PRKAR1A: variants seen among roughly 807,000 people sequenced by gnomAD.
PRKAR1A encodes the protein protein kinase cAMP-dependent type I regulatory subunit alpha.
A neutral mutation model predicts 52.0 loss-of-function variants in PRKAR1A; 3 were observed. The observed-to-expected ratio is 0.06, with a 90% confidence interval of 0.03 to 0.15. The LOEUF (loss-of-function observed/expected upper bound fraction) is 0.15. PRKAR1A is among the 10% of genes least tolerant of loss of function. The probability of loss-of-function intolerance (pLI) is 1.00; values close to 1 mark genes in which losing one functional copy is unlikely to be tolerated. For missense variants in PRKAR1A, 240 were observed against 477.4 expected (o/e 0.50, Z 4.63); for synonymous variants, 188 against 168.4 (o/e 1.12, Z -0.90).
chr17:68,545,183 T>C (rs1435581821), intron 11 of PRKAR1A, among the ~76,000 whole-genome samples: 1 of 152,248 alleles, frequency 6.6e-6, no homozygotes, highest in African/African-American at 2.4e-5. Flanking sequence ...GACTGAATTT[T>C]ATAAAAATGT....
At chr17:68,417,862 C>G in the PRKAR1A span, among the ~76,000 whole-genome samples, 1 of 144,980 alleles carries the variant, frequency 6.9e-6, no homozygotes, top group African/African-American at 2.5e-5. Context: ...TCCCAGGTAG[C>G]CGGGATTACA....
In PRKAR1A at chr17:68,532,575, C is replaced by A; in HGVS notation, c.*2126C>A. ...AGTTGATATTCAAGGCTTTAAAAGT[C>A]ATTATTCCTGGGCTTGGTAAGTGAA... is the stretch of plus-strand genomic sequence containing the variant. On this transcript the variant is annotated 3_prime_UTR_variant, in exon 11 of 11. Coordinates refer to ENST00000589228, the MANE Select transcript of PRKAR1A (RefSeq NM_002734.5). The A allele has an allele frequency of 1.9e-6, 2 of 1,066,088 alleles. No homozygotes were observed. Among genetic ancestry groups the A allele is most frequent in the Non-Finnish European group, 2.3e-6 (2 of 879,570 alleles). 66.0% of individuals were successfully genotyped at this position (1,066,088 alleles called of 1,614,324 possible).
At chr17:68,436,625 G>A in the PRKAR1A span, 1 of 668,568 alleles carries the variant, frequency 1.5e-6, no homozygotes, top group Non-Finnish European at 2.5e-6. Flanking sequence ...TTCCGCTGAT[G>A]ATTCTTCTGA....
chr17:68,467,968 C>T, the PRKAR1A span, among the ~76,000 whole-genome samples: 1 of 152,052 alleles, frequency 6.6e-6, no homozygotes, highest in Non-Finnish European at 1.5e-5. Flanking sequence ...CATCATGGCT[C>T]ACTGCAGCAT....
the PRKAR1A span, among the ~76,000 whole-genome samples, chr17:68,419,220 A>G: frequency 6.6e-6 from 1 of 152,180 alleles, no homozygotes; most frequent in African/African-American, 2.4e-5. Context: ...TCGATTTTCA[A>G]AAAAATCAAA....
At chr17:68,426,250 G>GGGGGGGGGGGT in the PRKAR1A span, 3 of 828,060 alleles carry the variant, frequency 3.6e-6, no homozygotes, top group Non-Finnish European at 1.9e-6. Flanking sequence ...GGTGGGGAGC[G>GGGGGGGGGGGT]GGGGCTCAAA....
At chr17:68,486,607 T>C in the PRKAR1A span, among the ~76,000 whole-genome samples, 1 of 149,836 alleles carries the variant, frequency 6.7e-6, no homozygotes, top group Non-Finnish European at 1.5e-5. Context: ...GCTTTCCTTC[T>C]TTTCTCTCCT....
At chr17:68,478,223 G>T in the PRKAR1A span, among the ~76,000 whole-genome samples, 2 of 152,150 alleles carry the variant, frequency 1.3e-5, no homozygotes, top group Non-Finnish European at 2.9e-5. Flanking sequence ...GGGGGCCGAG[G>T]GGGGTGGATC....
At chr17:68,541,079 C>T (rs1329965439) in intron 11 of PRKAR1A, 1 of 1,469,158 alleles carries the variant, frequency 6.8e-7, no homozygotes, top group African/African-American at 1.4e-5. Context: ...GGGCTGGTGG[C>T]AGCTTCTAAA....
chr17:68,427,313 C>G, the PRKAR1A span: 143 of 1,287,014 alleles, frequency 1.1e-4, no homozygotes, highest in African/African-American at 1.3e-3. Context: ...ATCTAGGACA[C>G]CTTCCAAAGG....
chr17:68,510,882 G>A (rs1600450885), upstream of PRKAR1A, among the ~76,000 whole-genome samples: 1 of 152,168 alleles, frequency 6.6e-6, no homozygotes, highest in Non-Finnish European at 1.5e-5. Context: ...TACCCTTAGA[G>A]CCTGGTGGAT....
At chr17:68,471,277 G>T in the PRKAR1A span, among the ~76,000 whole-genome samples, 1 of 152,172 alleles carries the variant, frequency 6.6e-6, no homozygotes, top group African/African-American at 2.4e-5. Context: ...CTATCTCTAA[G>T]ATGGGAAAAA....
the PRKAR1A span, among the ~76,000 whole-genome samples, chr17:68,451,308 C>T: frequency 6.6e-6 from 1 of 152,164 alleles, no homozygotes; most frequent in Non-Finnish European, 1.5e-5. Context: ...GTGGTGCACA[C>T]CTGTAATCTC....
At chr17:68,454,223 C>T in the PRKAR1A span, among the ~76,000 whole-genome samples, 8 of 152,190 alleles carry the variant, frequency 5.3e-5, no homozygotes, top group African/African-American at 9.7e-5. Context: ...CTGTGCCCTC[C>T]GCACCTAAGT....
intron 10 of PRKAR1A, 90 bp from the exon 11 acceptor site, chr17:68,530,187 A>C: frequency 6.5e-7 from 1 of 1,539,680 alleles, no homozygotes; most frequent in Non-Finnish European, 9.0e-7. Context: ...TGATTGTCTC[A>C]TATCTATTGT....
chr17:68,436,455 T>C, the PRKAR1A span: 1 of 1,613,804 alleles, frequency 6.2e-7, no homozygotes, highest in Non-Finnish European at 8.5e-7. Flanking sequence ...AGAATTGGAA[T>C]GGTTGATAGA....
chr17:68,508,355 A>T (rs765682647), upstream of PRKAR1A, among the ~76,000 whole-genome samples: 2 of 152,220 alleles, frequency 1.3e-5, no homozygotes, highest in Non-Finnish European at 2.9e-5. Flanking sequence ...TTCAGTGATA[A>T]AAAGAATCAA....
chr17:68,466,690 T>C, the PRKAR1A span, among the ~76,000 whole-genome samples: 1 of 152,126 alleles, frequency 6.6e-6, no homozygotes, highest in African/African-American at 2.4e-5. Flanking sequence ...GAGATTACAA[T>C]CGTGAGTCAC....
chr17:68,493,196 C>G, the PRKAR1A span, among the ~76,000 whole-genome samples: 37 of 152,020 alleles, frequency 2.4e-4, no homozygotes, highest in African/African-American at 8.7e-4. Flanking sequence ...GGGCTTGATA[C>G]CCAGGCAATG....
Sources: allele counts gnomAD v4.1 joint callset (sites outside exome capture counted in the v4.1 genomes callset), GRCh38; gene constraint gnomAD v4.1.1; transcripts MANE v1.5; gene names NCBI Gene and HGNC (gene_info 2026-07-23, HGNC 2026-07-21).